Variants in RGS7 observed in about 807,000 individuals in gnomAD.
RGS7 encodes the protein regulator of G-protein signaling 7.
Under a neutral mutation model 81.1 loss-of-function variants are expected in RGS7, and 27 were observed. That is an observed-to-expected ratio of 0.33 (90% confidence interval 0.25 to 0.46). The LOEUF is 0.46. Ranked by LOEUF, RGS7 falls within the 20% of genes least tolerant of loss-of-function variation. The probability of loss-of-function intolerance (pLI) is 1.00; values close to 1 mark genes in which losing one functional copy is unlikely to be tolerated. For missense variants in RGS7, 396 were observed against 607.4 expected (o/e 0.65, Z 3.66); for synonymous variants, 208 against 207.7 (o/e 1.00, Z -0.01).
chr1:241,006,938 A>G (rs1184237755), intron 3 of RGS7, among the ~76,000 whole-genome samples: 1 of 152,046 alleles, frequency 6.6e-6, no homozygotes, highest in African/African-American at 2.4e-5. Flanking sequence ...TATTTTTGAG[A>G]TGGAGTCTTG....
At position 240,867,556 on chromosome 1, in the gene RGS7, C is replaced by T. The variant is rs12038128; in HGVS notation, c.609+1031G>A. 5.1e-4 allele frequency among the ~76,000 whole-genome samples: 77 copies of T among 152,166 alleles called. 1 individual carries two copies. In the East Asian group the frequency reaches 0.011, roughly 21 times the overall value. On this transcript the variant is annotated intron_variant, in intron 9 of 18. Transcript: ENST00000440928. Reference sequence around the variant, plus strand: ...TATTCATTAATATTACTCTGAGGCACGTAGTTTAACATTAATAAGGAAGAA... The same window carrying T: ...TATTCATTAATATTACTCTGAGGCATGTAGTTTAACATTAATAAGGAAGAA...
At chr1:241,257,596 C>CT (rs1342011937) in intron 2 of RGS7, among the ~76,000 whole-genome samples, 1 of 152,180 alleles carries the variant, frequency 6.6e-6, no homozygotes, top group Non-Finnish European at 1.5e-5. Context: ...ATACATTTCC[C>CT]TTTGGGGAAT....
intron 2 of RGS7, among the ~76,000 whole-genome samples, chr1:241,306,880 C>T (rs772332106): frequency 1.3e-5 from 2 of 152,132 alleles, no homozygotes; most frequent in African/African-American, 4.8e-5. Flanking sequence ...GGAACAGAAG[C>T]GGTTAACTGG....
intron 4 of RGS7, among the ~76,000 whole-genome samples, chr1:240,976,170 A>G (rs1265206130): frequency 6.6e-6 from 1 of 152,254 alleles, no homozygotes; most frequent in African/African-American, 2.4e-5. Flanking sequence ...AGAGTAAAAT[A>G]GCAAAATAGC....
chr1:240,812,797 T>C (rs984037681), intron 13 of RGS7, among the ~76,000 whole-genome samples: 2 of 152,162 alleles, frequency 1.3e-5, no homozygotes, highest in Admixed American at 1.3e-4. Context: ...GGAAAATGCA[T>C]TGGTAACCAA....
chr1:240,775,058 G>C (rs1191053405), downstream of RGS7, among the ~76,000 whole-genome samples: 1 of 152,070 alleles, frequency 6.6e-6, no homozygotes, highest in African/African-American at 2.4e-5. Flanking sequence ...TTATTTCCCA[G>C]GGATGCCAAG....
At position 241,052,796 on chromosome 1, in the gene RGS7, C is replaced by CT. The variant is rs540118274; in HGVS notation, c.175+45869dup. On this transcript the variant is annotated intron_variant, in intron 3 of 18. Coordinates refer to ENST00000440928, the MANE Select transcript of RGS7 (RefSeq NM_001364886.1). The stretch of plus-strand genomic sequence containing the variant: ...AGAATTTTTCTGCATAGCGTGGATG[C>CT]TTTTTTTTTTTGACAGAACACTGAT... Among the ~76,000 whole-genome samples, 420 of 142,972 alleles carry CT rather than the reference C, an allele frequency of 2.9e-3. 1 individual carries two copies. Among genetic ancestry groups the CT allele is most frequent in the Non-Finnish European group, 3.1e-3 (205 of 65,142 alleles). 93.8% of individuals were successfully genotyped at this position (142,972 alleles called of 152,430 possible).
intron 6 of RGS7, among the ~76,000 whole-genome samples, chr1:240,917,946 A>G (rs1672868207): frequency 6.6e-6 from 1 of 152,202 alleles, no homozygotes; most frequent in Admixed American, 6.5e-5. Flanking sequence ...ATCAAAATAA[A>G]GCTAAATTAG....
At chr1:240,956,987 G>A (rs1164971383) in intron 4 of RGS7, among the ~76,000 whole-genome samples, 1 of 152,216 alleles carries the variant, frequency 6.6e-6, no homozygotes, top group East Asian at 1.9e-4. Context: ...GACCAGAAGA[G>A]GTGTGATGGT....
intron 2 of RGS7, among the ~76,000 whole-genome samples, chr1:241,161,272 G>A (rs2069635467): frequency 6.6e-6 from 1 of 152,078 alleles, no homozygotes; most frequent in East Asian, 1.9e-4. Flanking sequence ...TTCTTACACT[G>A]ACACAGGAAG....
At chr1:241,172,154 G>T (rs560020673) in intron 2 of RGS7, among the ~76,000 whole-genome samples, 3 of 152,176 alleles carry the variant, frequency 2.0e-5, no homozygotes, top group African/African-American at 4.8e-5. Flanking sequence ...CATTGTTTAT[G>T]CAGTCATTCT....
At chr1:241,079,129 T>C (rs1187719974) in intron 3 of RGS7, among the ~76,000 whole-genome samples, 1 of 152,148 alleles carries the variant, frequency 6.6e-6, no homozygotes, top group Non-Finnish European at 1.5e-5. Flanking sequence ...AGTTCCTATC[T>C]CTCTAGTGTT....
At chr1:241,009,506 G>C (rs1401679731) in intron 3 of RGS7, among the ~76,000 whole-genome samples, 4 of 152,210 alleles carry the variant, frequency 2.6e-5, no homozygotes, top group Non-Finnish European at 5.9e-5. Flanking sequence ...AAGGAAGAGA[G>C]AAGGTCCTTT....
intron 3 of RGS7, among the ~76,000 whole-genome samples, chr1:241,004,215 T>C (rs1169314641): frequency 6.6e-6 from 1 of 152,192 alleles, no homozygotes; most frequent in Non-Finnish European, 1.5e-5. Flanking sequence ...ATTTACAAAA[T>C]GCTTAGACCT....
At chr1:240,995,979 A>G (rs182286181) in intron 3 of RGS7, among the ~76,000 whole-genome samples, 298 of 151,946 alleles carry the variant, frequency 2.0e-3, no homozygotes, top group Non-Finnish European at 3.8e-3. Context: ...CTGCTTTAGC[A>G]GTGTTCCACA....
intron 3 of RGS7, among the ~76,000 whole-genome samples, chr1:240,986,489 T>C (rs562780282): frequency 7.9e-5 from 12 of 152,218 alleles, no homozygotes; most frequent in Non-Finnish European, 1.3e-4. Context: ...CCTCCCCAAA[T>C]TCTATTTTCA....
chr1:240,847,045 G>A (rs145635244), intron 9 of RGS7, among the ~76,000 whole-genome samples: 26 of 152,174 alleles, frequency 1.7e-4, no homozygotes, highest in African/African-American at 3.1e-4. Context: ...GTTTTATTCC[G>A]CTAAATTTTG....
chr1:240,957,864 A>G (rs2148461475), intron 4 of RGS7, among the ~76,000 whole-genome samples: 1 of 152,328 alleles, frequency 6.6e-6, no homozygotes, highest in East Asian at 1.9e-4. Context: ...TACAATTAAA[A>G]AATCACTCTA....
intron 6 of RGS7, among the ~76,000 whole-genome samples, chr1:240,873,342 C>T (rs1664819384): frequency 6.6e-6 from 1 of 152,004 alleles, no homozygotes; most frequent in Non-Finnish European, 1.5e-5. Context: ...AATTTCAATA[C>T]CAAGTTTAAA....
Sources: allele counts gnomAD v4.1 joint callset (sites outside exome capture counted in the v4.1 genomes callset), GRCh38; gene constraint gnomAD v4.1.1; transcripts MANE v1.5; gene names NCBI Gene and HGNC (gene_info 2026-07-23, HGNC 2026-07-21).